PTN: variants seen among roughly 807,000 people sequenced by gnomAD.
PTN encodes pleiotrophin.
PTN carries 18 observed loss-of-function variants against 24.1 expected under a neutral mutation model. The ratio of observed to expected loss-of-function variants is 0.75; its 90% confidence interval spans 0.52 to 1.11. PTN has a LOEUF of 1.11. PTN is among the 50% of genes least tolerant of loss of function. The pLI, the probability that PTN is intolerant of heterozygous loss-of-function variation, is 0.00. For synonymous variants in PTN, 78 were observed against 68.6 expected, an observed-to-expected ratio of 1.14 and a Z score of -0.67; for missense variants, 163 against 198.8, an observed-to-expected ratio of 0.82 and a Z score of 1.08.
At chr7:137,236,302 T>A in intron 4 of PTN, 1 of 701,538 alleles carries the variant, frequency 1.4e-6, no homozygotes, top group Non-Finnish European at 2.6e-6. Flanking sequence ...CCATTCAGGA[T>A]GCACTTTCTT....
chr7:137,248,580 T>C (rs1265741300), intron 4 of PTN, among the ~76,000 whole-genome samples: 1 of 152,172 alleles, frequency 6.6e-6, no homozygotes, highest in Non-Finnish European at 1.5e-5. Context: ...CTCAGGAGGC[T>C]GAGGCAGGAG....
intron 1 of PTN, among the ~76,000 whole-genome samples, chr7:137,333,852 C>G (rs140312921): frequency 2.0e-5 from 3 of 152,194 alleles, no homozygotes; most frequent in African/African-American, 7.2e-5. Context: ...AGATATAGAT[C>G]AACGGAACAG....
At chr7:137,264,548 C>A (rs1223698000) in intron 1 of PTN, among the ~76,000 whole-genome samples, 1 of 152,160 alleles carries the variant, frequency 6.6e-6, no homozygotes, top group Non-Finnish European at 1.5e-5. Context: ...ACGTACAGCT[C>A]CCAGTCTACT....
At chr7:137,257,337 A>C (rs1003268598) in intron 1 of PTN, among the ~76,000 whole-genome samples, 3 of 152,198 alleles carry the variant, frequency 2.0e-5, no homozygotes, top group African/African-American at 7.2e-5. Flanking sequence ...TTACTTTTGC[A>C]CCAACCTAAT....
chr7:137,331,179 G>GGGTC (rs147307837), intron 1 of PTN, among the ~76,000 whole-genome samples: 1 of 151,766 alleles, frequency 6.6e-6, no homozygotes, highest in African/African-American at 2.4e-5. Context: ...GAAACCCACA[G>GGGTC]AGCCTGCTTT....
chr7:137,256,053 T>C (rs10435425), intron 1 of PTN, among the ~76,000 whole-genome samples: 22,477 of 152,226 alleles, frequency 0.15, 1,857 homozygotes, highest in East Asian at 0.26. Flanking sequence ...TTCATGTATA[T>C]AAGGGGTTGA....
chr7:137,257,782 G>A (rs916040947), intron 1 of PTN, among the ~76,000 whole-genome samples: 1 of 152,180 alleles, frequency 6.6e-6, no homozygotes, highest in Non-Finnish European at 1.5e-5. Flanking sequence ...TTAGATTACT[G>A]TGAGAATTTG....
At chr7:137,229,792 CA>C (rs1808397400) in intron 4 of PTN, among the ~76,000 whole-genome samples, 1 of 151,678 alleles carries the variant, frequency 6.6e-6, no homozygotes, top group Admixed American at 6.6e-5. Context: ...GTGTAATGAC[CA>C]GAATTTCCAA....
intron 1 of PTN, among the ~76,000 whole-genome samples, chr7:137,268,292 T>A (rs1026393369): frequency 2.6e-5 from 4 of 151,908 alleles, no homozygotes; most frequent in Non-Finnish European, 4.4e-5. Flanking sequence ...CTAAAGCCGC[T>A]TAAGAAGCTG....
chr7:137,245,705 G>A (rs1808710864), intron 4 of PTN, among the ~76,000 whole-genome samples: 1 of 152,128 alleles, frequency 6.6e-6, no homozygotes, highest in African/African-American at 2.4e-5. Flanking sequence ...ATGTGTTACT[G>A]TCCCTGAAGA....
At chr7:137,246,867 C>T (rs1374074975) in intron 4 of PTN, among the ~76,000 whole-genome samples, 2 of 152,188 alleles carry the variant, frequency 1.3e-5, no homozygotes, top group Non-Finnish European at 2.9e-5. Context: ...AATCTGGTTG[C>T]ACTGCTTGCA....
intron 1 of PTN, among the ~76,000 whole-genome samples, chr7:137,285,613 T>C (rs1286760161): frequency 6.6e-6 from 1 of 152,126 alleles, no homozygotes; most frequent in Non-Finnish European, 1.5e-5. Context: ...GAGGTTGCAG[T>C]GAACCGAGAC....
intron 1 of PTN, among the ~76,000 whole-genome samples, chr7:137,258,799 C>G (rs1009898077): frequency 6.6e-6 from 1 of 152,026 alleles, no homozygotes; most frequent in Non-Finnish European, 1.5e-5. Context: ...AAAGCTCTTC[C>G]TGTATGAAGT....
chr7:137,288,100 T>C (rs1437758528), intron 1 of PTN, among the ~76,000 whole-genome samples: 1 of 152,164 alleles, frequency 6.6e-6, no homozygotes, highest in Admixed American at 6.5e-5. Context: ...TGGTATAAGT[T>C]GAATCTTTCA....
At chr7:137,262,337 C>T (rs894291027) in intron 1 of PTN, among the ~76,000 whole-genome samples, 9 of 152,090 alleles carry the variant, frequency 5.9e-5, no homozygotes, top group Admixed American at 3.9e-4. Flanking sequence ...TTTATTCAAT[C>T]TTGTGTCCCT....
Position 137,299,345 on chromosome 7 carries a change from A to T in PTN, c.-2+44094T>A, listed in dbSNP as rs146668291. 2.4e-4 allele frequency among the ~76,000 whole-genome samples: 37 copies of T among 152,042 alleles called. No individual in the cohort carries two copies. In the East Asian group the frequency reaches 6.4e-3, roughly 26 times the overall value. Reference sequence around the variant, plus strand: ...TAAATGTTTTATATGCTTGTATCTCAGTTAATTTTACTATAAGTCCATTAG... The same window carrying T: ...TAAATGTTTTATATGCTTGTATCTCTGTTAATTTTACTATAAGTCCATTAG... On this transcript the variant is annotated intron_variant, in intron 1 of 4. Coordinates refer to ENST00000348225, the MANE Select transcript of PTN (RefSeq NM_002825.7).
chr7:137,297,897 T>C (rs1318560010), intron 1 of PTN, among the ~76,000 whole-genome samples: 1 of 151,558 alleles, frequency 6.6e-6, no homozygotes, highest in Non-Finnish European at 1.5e-5. Flanking sequence ...CTAGAAGCTT[T>C]CCAAAGTGGG....
chr7:137,244,642 T>A (rs745452805), intron 4 of PTN, among the ~76,000 whole-genome samples: 1 of 151,908 alleles, frequency 6.6e-6, no homozygotes. Context: ...TTGGTTTTTT[T>A]TGTCCTTGCA....
intron 4 of PTN, among the ~76,000 whole-genome samples, chr7:137,248,013 T>TA (rs143012326): frequency 0.015 from 2,235 of 152,274 alleles, 58 homozygotes; most frequent in African/African-American, 0.051. Flanking sequence ...GTTTCCTTTA[T>TA]AATAATACCC....
Sources: gnomAD v4.1 joint callset for allele counts (sites outside exome capture counted in the v4.1 genomes callset) on GRCh38, gnomAD v4.1.1 for gene constraint, MANE v1.5 for transcripts, NCBI Gene and HGNC (gene_info 2026-07-23, HGNC 2026-07-21) for gene names.